The following SLC5A3 variants were observed in gnomAD, a reference collection of about 807,000 sequenced individuals.
SLC5A3 encodes the protein solute carrier family 5 member 3, also known as sodium/myo-inositol cotransporter.
A neutral mutation model predicts 43.2 loss-of-function variants in SLC5A3; 10 were observed. The observed-to-expected ratio is 0.23, with a 90% CI of 0.14 to 0.39. The LOEUF is 0.39. SLC5A3 is among the 10% of genes least tolerant of loss of function. SLC5A3 has a pLI of 1.00. For missense variants in SLC5A3, 608 were observed against 893.4 expected (o/e 0.68, Z 4.07); for synonymous variants, 349 against 322.0 (o/e 1.08, Z -0.90).
rs766924510 is a variant in SLC5A3 at position 34,097,297 on chromosome 21, T to C, written c.2099T>C (p.Ile700Thr). The change falls in exon 2 of 2, where the codon ATT (isoleucine) becomes ACT (threonine). Residue 700 changes from isoleucine (I) to threonine (T), a missense_variant. Transcript: ENST00000381151. ...ETRQVKVILN[I>T]GLFAVCSLGI... ...CGGCAAGTTAAAGTAATACTAAATA[T>C]TGGACTTTTTGCTGTGTGTTCACTT... is the stretch of plus-strand genomic sequence containing the variant. 6.2e-7 allele frequency: 1 copy of C among 1,612,010 alleles called. No individual in the cohort carries two copies. Among genetic ancestry groups the C allele is most frequent in the Non-Finnish European group, 8.5e-7 (1 of 1,179,354 alleles).
chr21:34,104,271 C>G lies in SLC5A3; in HGVS notation c.*6916C>G, dbSNP rs1181972568. 1.0e-6 allele frequency: 1 copy of G among 999,982 alleles called. No homozygotes were observed. The highest frequency in any genetic ancestry group is 1.7e-5 in the African/African-American group (1 of 57,216). 61.9% of individuals were successfully genotyped at this position (999,982 alleles called of 1,614,324 possible). On this transcript the variant is annotated 3_prime_UTR_variant, in exon 2 of 2. Coordinates refer to ENST00000381151, the MANE Select transcript of SLC5A3 (RefSeq NM_006933.7). ...GGGTGGAGAGGATTCTTTCACTTGT[C>G]CCATTAACCCTCTTCTAGTCTAGAT...
At position 34,099,772 on chromosome 21, in the gene SLC5A3, G is replaced by A; in HGVS notation, c.*2417G>A. 1 of 893,662 alleles carries A rather than the reference G, an allele frequency of 1.1e-6. No homozygotes were observed. Among genetic ancestry groups the A allele is most frequent in the South Asian group, 5.2e-5 (1 of 19,118 alleles). 55.4% of individuals were successfully genotyped at this position (893,662 alleles called of 1,614,324 possible). A position where few individuals can be genotyped will look rare whatever the true frequency, so the allele number is the denominator to read the frequency against. ...TAGAGTACTAAAGTCTGTAAATAAG[G>A]AATGACTATTAGCATATTCATTAGA... On this transcript the variant is annotated 3_prime_UTR_variant, in exon 2 of 2. Coordinates refer to ENST00000381151, the MANE Select transcript of SLC5A3 (RefSeq NM_006933.7).
intron 1 of SLC5A3, among the ~76,000 whole-genome samples, chr21:34,093,210 T>C (rs889873078): frequency 6.6e-6 from 1 of 151,926 alleles, no homozygotes; most frequent in South Asian, 2.1e-4. Flanking sequence ...TTGGCAGGTA[T>C]GAAGTGATAC....
At position 34,100,507 on chromosome 21, in the gene SLC5A3, T is replaced by C. The variant is rs751961886; in HGVS notation, c.*3152T>C. 336 of 1,000,130 alleles carry C rather than the reference T, an allele frequency of 3.4e-4. No homozygotes were observed. Among genetic ancestry groups the C allele is most frequent in the Non-Finnish European group, 4.0e-4 (329 of 829,974 alleles). 62.0% of individuals were successfully genotyped at this position (1,000,130 alleles called of 1,614,324 possible). On this transcript the variant is annotated 3_prime_UTR_variant, in exon 2 of 2. Transcript: ENST00000381151. ...TCCTTCGGCCTAAATTCAATAGATC[T>C]CATCTCCTAGGGCTTCCTTTTCACT...
At chr21:34,075,025 C>T (rs1989292977) in intron 1 of SLC5A3, among the ~76,000 whole-genome samples, 3 of 152,338 alleles carry the variant, frequency 2.0e-5, no homozygotes, top group African/African-American at 4.8e-5. Flanking sequence ...TCTGTTCAGC[C>T]TCTTGAATAT....
chr21:34,077,828 G>A (rs1306521154), intron 1 of SLC5A3, among the ~76,000 whole-genome samples: 1 of 152,132 alleles, frequency 6.6e-6, no homozygotes, highest in African/African-American at 2.4e-5. Context: ...GAAAACAGTT[G>A]GTTTTCTGGT....
At chr21:34,094,291 T>G (rs1978860261) in intron 1 of SLC5A3, among the ~76,000 whole-genome samples, 1 of 152,184 alleles carries the variant, frequency 6.6e-6, no homozygotes, top group Non-Finnish European at 1.5e-5. Flanking sequence ...TACTGGAGTT[T>G]AAGAAGCTTT....
intron 1 of SLC5A3, among the ~76,000 whole-genome samples, chr21:34,081,959 C>A (rs1382574184): frequency 6.6e-6 from 1 of 151,716 alleles, no homozygotes; most frequent in Non-Finnish European, 1.5e-5. Context: ...CTGCTCCCAT[C>A]TATTATTGCC....
chr21:34,094,769 C>T (rs8134256), intron 1 of SLC5A3, 94 bp from the exon 2 acceptor site: 158,055 of 158,056 alleles, frequency 1, 79,027 homozygotes, highest in Non-Finnish European at 1. Context: ...AAGAATGTCT[C>T]GTTGCGCCGG....
rs1419385082 is a variant in SLC5A3, at chr21:34,098,805, C to T, written c.*1450C>T. On this transcript the variant is annotated 3_prime_UTR_variant, in exon 2 of 2. Coordinates refer to ENST00000381151, the MANE Select transcript of SLC5A3 (RefSeq NM_006933.7). ...AGAGAAAAGCTCTACAGATTACGTA[C>T]TTCTGTGTCTTCGTATGCTCAACAC... is the stretch of plus-strand genomic sequence containing the variant. 7 of 999,436 alleles carry T rather than the reference C, an allele frequency of 7.0e-6. No individual in the cohort carries two copies. The highest frequency in any genetic ancestry group is 7.2e-6 in the Non-Finnish European group (6 of 829,360). The allele number at this position is 999,436 out of a possible 1,614,324, so 61.9% of individuals were successfully genotyped here. A position where few individuals can be genotyped will look rare whatever the true frequency, so the allele number is the denominator to read the frequency against.
At chr21:34,089,130 C>T (rs975411198) in intron 1 of SLC5A3, among the ~76,000 whole-genome samples, 2 of 151,982 alleles carry the variant, frequency 1.3e-5, no homozygotes, top group Admixed American at 6.6e-5. Flanking sequence ...TGGGTTCAAG[C>T]GATCCTCTTG....
chr21:34,100,536 C>T lies in SLC5A3; in HGVS notation c.*3181C>T. ...CTCCTAGGGCTTCCTTTTCACTTGG[C>T]TCAAAGGATCCATTGTATTTTGGCA... On this transcript the variant is annotated 3_prime_UTR_variant, in exon 2 of 2. Coordinates refer to ENST00000381151, the MANE Select transcript of SLC5A3 (RefSeq NM_006933.7). 1.0e-6 allele frequency: 1 copy of T among 1,000,232 alleles called. No homozygotes were observed. Among genetic ancestry groups the T allele is most frequent in the African/African-American group, 1.7e-5 (1 of 57,348 alleles). The allele number at this position is 1,000,232 out of a possible 1,614,324, so 62.0% of individuals were successfully genotyped here.
Position 34,105,067 on chromosome 21 carries a change from G to A in SLC5A3, c.*7712G>A. The A allele has an allele frequency of 1.0e-6, 1 of 999,920 alleles. No homozygotes were observed. The highest frequency in any genetic ancestry group is 5.2e-4 in the Middle Eastern group (1 of 1,914). The allele number at this position is 999,920 out of a possible 1,614,324, so 61.9% of individuals were successfully genotyped here. A position where few individuals can be genotyped will look rare whatever the true frequency, so the allele number is the denominator to read the frequency against. On this transcript the variant is annotated 3_prime_UTR_variant, in exon 2 of 2. Transcript: ENST00000381151. ...TTTTGCTCATAGACTTTTCTGTGGG[G>A]TTATTAAAATGCAAAAGCTTTATTT...
Position 34,103,940 on chromosome 21 carries a change from CAT to C in SLC5A3, c.*6588_*6589del. 17 of 1,000,094 alleles carry C rather than the reference CAT, an allele frequency of 1.7e-5. No homozygotes were observed. The highest frequency in any genetic ancestry group is 2.0e-5 in the Non-Finnish European group (17 of 829,920). The allele number at this position is 1,000,094 out of a possible 1,614,324, so 62.0% of individuals were successfully genotyped here. On this transcript the variant is annotated 3_prime_UTR_variant, in exon 2 of 2. Coordinates refer to ENST00000381151, the MANE Select transcript of SLC5A3 (RefSeq NM_006933.7). ...GGTTTTTGGTGGGTGGAACAGGTGA[CAT>C]ATTTCTGTTTTAAGCTGTAGTGTGA... is the stretch of plus-strand genomic sequence containing the variant.
rs1979360722 is a variant in SLC5A3, at chr21:34,103,941, A to ACCTGTTTTAAGCTG, written c.*6586_*6587insCCTGTTTTAAGCTG. The ACCTGTTTTAAGCTG allele has an allele frequency of 4.0e-6, 4 of 1,000,056 alleles. No homozygotes were observed. The Admixed American group carries it at 1.8e-4, about 46-fold the overall frequency. The allele number at this position is 1,000,056 out of a possible 1,614,324, so 61.9% of individuals were successfully genotyped here. A position where few individuals can be genotyped will look rare whatever the true frequency, so the allele number is the denominator to read the frequency against. ...GTTTTTGGTGGGTGGAACAGGTGAC[A>ACCTGTTTTAAGCTG]TATTTCTGTTTTAAGCTGTAGTGTG... On this transcript the variant is annotated 3_prime_UTR_variant, in exon 2 of 2. Transcript: ENST00000381151.
intron 1 of SLC5A3, among the ~76,000 whole-genome samples, chr21:34,093,423 C>G (rs937387307): frequency 3.3e-5 from 5 of 152,078 alleles, no homozygotes; most frequent in Non-Finnish European, 5.9e-5. Flanking sequence ...GACCTAAGAA[C>G]CTAATTTTGT....
chr21:34,078,406 GGTAAGGA>G (rs1383372913), intron 1 of SLC5A3, among the ~76,000 whole-genome samples: 2 of 152,090 alleles, frequency 1.3e-5, no homozygotes. Flanking sequence ...ATGGCTTGGG[GGTAAGGA>G]GTCCTTCCTC....
chr21:34,087,346 A>G (rs1042761302), intron 1 of SLC5A3, among the ~76,000 whole-genome samples: 1 of 152,172 alleles, frequency 6.6e-6, no homozygotes, highest in African/African-American at 2.4e-5. Context: ...GAAGTTTAGC[A>G]GTCTTGATGG....
At chr21:34,082,108 AAATGT>A (rs960088161) in intron 1 of SLC5A3, among the ~76,000 whole-genome samples, 3 of 151,756 alleles carry the variant, frequency 2.0e-5, no homozygotes, top group Non-Finnish European at 4.4e-5. Flanking sequence ...ACCATGGATC[AAATGT>A]AATGTATCTG....
Sources: allele counts gnomAD v4.1 joint callset (sites outside exome capture counted in the v4.1 genomes callset), GRCh38; gene constraint gnomAD v4.1.1; transcripts MANE v1.5; gene names NCBI Gene and HGNC (gene_info 2026-07-23, HGNC 2026-07-21).